The following ATG10 variants were observed in gnomAD, a reference collection of about 807,000 sequenced individuals.
The protein encoded by ATG10 is ubiquitin-like-conjugating enzyme ATG10.
Under a neutral mutation model 32.1 loss-of-function variants are expected in ATG10, and 30 were observed. That is an observed-to-expected ratio of 0.94 (90% CI 0.70 to 1.27). The LOEUF (loss-of-function observed/expected upper bound fraction) is 1.27. Ranked by LOEUF, ATG10 falls within the 50% of genes most tolerant of loss-of-function variation. ATG10 has a pLI of 0.00. For missense variants in ATG10, 233 were observed against 262.3 expected (o/e 0.89, Z 0.77); for synonymous variants, 87 against 91.5 (o/e 0.95, Z 0.28).
rs964142704 is a variant in ATG10, at chr5:82,178,505, C to G, written c.371C>G (p.Thr124Ser). ...RASFLDGRPL[T>S]LKDIWEGVHE... ...ACTTTCACAGATGGGAGACCTTTAACTCTGAAGGACATATGGGAAGGAGTT... is the reference window on the plus strand; with the variant it reads ...ACTTTCACAGATGGGAGACCTTTAAGTCTGAAGGACATATGGGAAGGAGTT... The change falls in exon 5 of 8, where the codon ACT becomes AGT. Residue 124 changes from threonine (T) to serine (S), a missense_variant. Physicochemically the swap from Thr to Ser is moderately conservative, Grantham distance 58 (BLOSUM62 1). Transcript: ENST00000282185. 2.5e-6 allele frequency: 4 copies of G among 1,609,956 alleles called. No individual in the cohort carries two copies. Among genetic ancestry groups the G allele is most frequent in the Non-Finnish European group, 3.4e-6 (4 of 1,176,570 alleles).
At chr5:82,200,439 T>A (rs576697550) in intron 5 of ATG10, among the ~76,000 whole-genome samples, 1 of 150,852 alleles carries the variant, frequency 6.6e-6, no homozygotes, top group South Asian at 2.1e-4. Context: ...TGATGAAGTA[T>A]CTTTTCAAAT....
intron 5 of ATG10, among the ~76,000 whole-genome samples, chr5:82,210,861 T>C (rs769511229): frequency 2.6e-5 from 4 of 152,212 alleles, no homozygotes; most frequent in Non-Finnish European, 5.9e-5. Context: ...TGATATATGC[T>C]GAGAAGAGAC....
At chr5:82,069,863 C>G (rs1457121631) in intron 3 of ATG10, among the ~76,000 whole-genome samples, 6 of 151,870 alleles carry the variant, frequency 4.0e-5, no homozygotes, top group Admixed American at 2.6e-4. Flanking sequence ...AGGAAATAAC[C>G]AAGGATTGCA....
At chr5:82,076,420 A>G (rs1764274804) in intron 3 of ATG10, among the ~76,000 whole-genome samples, 1 of 152,162 alleles carries the variant, frequency 6.6e-6, no homozygotes. Flanking sequence ...CATATACTTA[A>G]AGAGAAGACT....
At chr5:82,096,923 A>G (rs1213060223) in intron 3 of ATG10, among the ~76,000 whole-genome samples, 1 of 151,910 alleles carries the variant, frequency 6.6e-6, no homozygotes, top group African/African-American at 2.4e-5. Flanking sequence ...TATTATATTT[A>G]TTTTTCTTAA....
At chr5:82,119,984 T>TTGTG (rs5869106) in intron 3 of ATG10, among the ~76,000 whole-genome samples, 8,098 of 148,236 alleles carry the variant, frequency 0.055, 269 homozygotes, top group South Asian at 0.087. Flanking sequence ...CCACCATTTA[T>TTGTG]TGTGTGTGTG....
chr5:82,039,238 G>T (rs1053899017), intron 2 of ATG10, among the ~76,000 whole-genome samples: 4 of 152,102 alleles, frequency 2.6e-5, no homozygotes, highest in South Asian at 2.1e-4. Context: ...TTGTATTTAG[G>T]GATAGAATGT....
intron 3 of ATG10, among the ~76,000 whole-genome samples, chr5:82,125,603 T>G (rs986628103): frequency 3.3e-5 from 5 of 152,210 alleles, no homozygotes; most frequent in African/African-American, 9.6e-5. Flanking sequence ...GTGTTATTTC[T>G]GAGGCCTCTG....
chr5:82,096,949 A>G (rs1765087785), intron 3 of ATG10, among the ~76,000 whole-genome samples: 1 of 152,138 alleles, frequency 6.6e-6, no homozygotes, highest in African/African-American at 2.4e-5. Flanking sequence ...CTACAAGGAA[A>G]TGTCTTCTCA....
intron 1 of ATG10, among the ~76,000 whole-genome samples, chr5:81,978,024 T>C (rs979567033): frequency 3.3e-5 from 5 of 152,252 alleles, no homozygotes. Flanking sequence ...CACTTTGCTC[T>C]GTAATCTGTA....
At chr5:81,977,898 C>CTT (rs1760914015) in intron 1 of ATG10, among the ~76,000 whole-genome samples, 1 of 152,140 alleles carries the variant, frequency 6.6e-6, no homozygotes, top group Non-Finnish European at 1.5e-5. Flanking sequence ...TGAACAAAGA[C>CTT]TTTTGCAAGA....
chr5:82,131,980 G>A (rs1030067314), intron 3 of ATG10, among the ~76,000 whole-genome samples: 1 of 151,966 alleles, frequency 6.6e-6, no homozygotes, highest in Non-Finnish European at 1.5e-5. Context: ...AAGTGAGGGG[G>A]AAATGCCACA....
chr5:81,988,443 AT>A (rs961392759), intron 2 of ATG10, among the ~76,000 whole-genome samples: 1 of 146,934 alleles, frequency 6.8e-6, no homozygotes, highest in Non-Finnish European at 1.5e-5. Context: ...CCAGCCCCAA[AT>A]TTTTTTGTCT....
chr5:81,979,706 T>G (rs1366798234), intron 1 of ATG10, among the ~76,000 whole-genome samples: 16 of 151,024 alleles, frequency 1.1e-4, no homozygotes, highest in Non-Finnish European at 2.1e-4. Context: ...TTTTTTTTTT[T>G]GCCTGCATCT....
chr5:82,133,449 C>T (rs1303285990), intron 3 of ATG10, among the ~76,000 whole-genome samples: 21 of 152,082 alleles, frequency 1.4e-4, no homozygotes. Flanking sequence ...TATGGCTAGC[C>T]AGTTTCCCAA....
intron 5 of ATG10, among the ~76,000 whole-genome samples, chr5:82,179,388 T>C (rs1744149374): frequency 6.6e-6 from 1 of 152,142 alleles, no homozygotes; most frequent in Non-Finnish European, 1.5e-5. Flanking sequence ...AGTTGGCTTA[T>C]ATATTAAGAA....
chr5:81,984,523 C>A (rs1474217136), intron 1 of ATG10, among the ~76,000 whole-genome samples: 1 of 152,186 alleles, frequency 6.6e-6, no homozygotes, highest in East Asian at 1.9e-4. Context: ...ACTGTTGTCA[C>A]CTGTAGTCTG....
At chr5:82,251,606 G>A (rs562828472) in intron 5 of ATG10, among the ~76,000 whole-genome samples, 142 of 152,280 alleles carry the variant, frequency 9.3e-4, no homozygotes, top group Non-Finnish European at 1.6e-3. Flanking sequence ...TCATCTGCTG[G>A]TGTATTTAGC....
intron 2 of ATG10, among the ~76,000 whole-genome samples, chr5:82,001,717 C>T (rs1321826474): frequency 2.6e-5 from 4 of 152,096 alleles, no homozygotes; most frequent in Admixed American, 6.5e-5. Flanking sequence ...TTATTTTGGA[C>T]GTAGAACTGG....
Sources: allele counts gnomAD v4.1 joint callset (sites outside exome capture counted in the v4.1 genomes callset), GRCh38; gene constraint gnomAD v4.1.1; transcripts MANE v1.5; gene names NCBI Gene and HGNC (gene_info 2026-07-23, HGNC 2026-07-21).